Variants in CAMK2B observed in about 807,000 individuals in gnomAD.
The protein encoded by CAMK2B is calcium/calmodulin-dependent protein kinase type II subunit beta.
In CAMK2B, 27 loss-of-function variants were observed where a neutral mutation model predicts 93.7. That is an observed-to-expected ratio of 0.29 (90% CI 0.21 to 0.40). The LOEUF (loss-of-function observed/expected upper bound fraction) is 0.40. CAMK2B is among the 10% of genes least tolerant of loss of function. The pLI, the probability that CAMK2B is intolerant of heterozygous loss-of-function variation, is 1.00. For synonymous variants in CAMK2B, 374 were observed against 358.8 expected (o/e 1.04, Z -0.48); for missense variants, 568 against 895.8 (o/e 0.63, Z 4.67).
chr7:44,241,654 C>G, intron 11 of CAMK2B, 46 bp downstream of exon 11: 1 of 1,483,370 alleles, frequency 6.7e-7, no homozygotes, highest in Non-Finnish European at 9.4e-7. Flanking sequence ...CCCAGAGGGA[C>G]ACAGAGAAGC....
intron 1 of CAMK2B, among the ~76,000 whole-genome samples, chr7:44,288,855 G>A (rs1293851473): frequency 1.3e-5 from 2 of 152,092 alleles, no homozygotes; most frequent in Non-Finnish European, 2.9e-5. Flanking sequence ...GGCTTCTCGC[G>A]CGATAATGGG....
intron 19 of CAMK2B, among the ~76,000 whole-genome samples, chr7:44,227,595 CAGGGGGTGTGGGGG>C (rs2096521560): frequency 6.0e-4 from 1 of 1,668 alleles, no homozygotes; most frequent in African/African-American, 8.9e-3. Context: ...GTGTGGGGGA[CAGGGGGTGTGGGGG>C]ACAGAGGGAG....
chr7:44,226,604 G>C lies in CAMK2B; in HGVS notation c.1509C>G (p.Gly503=). 6.6e-7 allele frequency: 1 copy of C among 1,523,214 alleles called. No individual in the cohort carries two copies. Among genetic ancestry groups the C allele is most frequent in the African/African-American group, 1.5e-5 (1 of 68,730 alleles). 94.4% of individuals were successfully genotyped at this position (1,523,214 alleles called of 1,614,324 possible). ...GGCCCTCGGCTTCTGGGGTCCCTGA[G>C]CCCCTCCTCACAGAGTTCAGGATGT... ...ISDILNSVRR[G]SGTPEAEGPS... The change falls in exon 20 of 24, where the codon GGC becomes GGG. Residue 503 remains glycine (G), a synonymous_variant. Transcript: ENST00000395749.
intron 20 of CAMK2B, among the ~76,000 whole-genome samples, chr7:44,222,130 T>C (rs1293252188): frequency 6.6e-6 from 1 of 152,044 alleles, no homozygotes; most frequent in South Asian, 2.1e-4. Flanking sequence ...TACACACGAG[T>C]AACAGTGGTT....
At chr7:44,228,659 G>A (rs562915626) in intron 19 of CAMK2B, 137 bp downstream of exon 19, 74 of 786,282 alleles carry the variant, frequency 9.4e-5, no homozygotes, top group South Asian at 9.3e-4. Context: ...AGGAAGCCCC[G>A]CCAGGGCAGG....
intron 1 of CAMK2B, among the ~76,000 whole-genome samples, chr7:44,324,313 G>T (rs959395445): frequency 6.6e-6 from 1 of 152,212 alleles, no homozygotes; most frequent in Non-Finnish European, 1.5e-5. Context: ...GAGGATGGGG[G>T]AGGACGCAGG....
chr7:44,267,908 G>C (rs527959803), intron 2 of CAMK2B: 1 of 152,236 alleles, frequency 6.6e-6, no homozygotes, highest in African/African-American at 2.4e-5. Context: ...GGGGAATGCC[G>C]AGCCCTGGGA....
intron 1 of CAMK2B, among the ~76,000 whole-genome samples, chr7:44,287,759 C>T (rs1785534774): frequency 6.6e-6 from 1 of 152,236 alleles, no homozygotes. Context: ...AACTCCTATG[C>T]GTCCTTCAAG....
chr7:44,254,960 G>T (rs895385242), intron 4 of CAMK2B, among the ~76,000 whole-genome samples: 2 of 151,714 alleles, frequency 1.3e-5, no homozygotes, highest in African/African-American at 4.8e-5. Flanking sequence ...TTGGTGACTT[G>T]CCCAGAGTGG....
At chr7:44,240,329 G>A (rs1332766692) in intron 12 of CAMK2B, among the ~76,000 whole-genome samples, 1 of 152,188 alleles carries the variant, frequency 6.6e-6, no homozygotes, top group Non-Finnish European at 1.5e-5. Context: ...CATCCCTTCT[G>A]CCCACCTCCC....
rs115352757 is a variant in CAMK2B, at chr7:44,244,397, C to T, written c.415-870G>A. Among the ~76,000 whole-genome samples, 679 of 152,204 alleles carry T rather than the reference C, an allele frequency of 4.5e-3. 6 individuals carry two copies. The highest frequency in any genetic ancestry group is 0.016 in the African/African-American group (654 of 41,542). ...TCCTGTCCCAGCTTTCAAACCCCAT[C>T]GGGCTCTGGCCTACCCATCAGCCTC... On this transcript the variant is annotated intron_variant, in intron 6 of 23. Coordinates refer to ENST00000395749, the MANE Select transcript of CAMK2B (RefSeq NM_001220.5).
At chr7:44,232,179 T>G (rs1035822456) in intron 16 of CAMK2B, among the ~76,000 whole-genome samples, 1 of 116,862 alleles carries the variant, frequency 8.6e-6, no homozygotes, top group Non-Finnish European at 1.8e-5. Flanking sequence ...CAGAAGGAAG[T>G]GGGGGGTCCC....
Position 44,242,376 on chromosome 7 carries a change from G to A in CAMK2B, c.697-36C>T, listed in dbSNP as rs759050906. The A allele has an allele frequency of 1.7e-5, 27 of 1,601,254 alleles. No individual in the cohort carries two copies. The South Asian group carries it at 3.0e-4, about 18-fold the overall frequency. On this transcript the variant is annotated intron_variant, in intron 9 of 23. Coordinates refer to ENST00000395749, the MANE Select transcript of CAMK2B (RefSeq NM_001220.5). ...AAACAGCGCCCCGGCCGGGCCTGAA[G>A]CTCCCTCTCAGGCAGGGGCAAGAAT...
intron 1 of CAMK2B, among the ~76,000 whole-genome samples, chr7:44,289,114 C>T (rs560275655): frequency 2.6e-5 from 4 of 152,198 alleles, no homozygotes; most frequent in Admixed American, 1.3e-4. Flanking sequence ...GCTGCCCCCC[C>T]AACCCTCGTG....
chr7:44,220,323 C>A (rs374775987), intron 22 of CAMK2B, 29 bp from the exon 23 acceptor site: 2 of 1,565,570 alleles, frequency 1.3e-6, no homozygotes, highest in African/African-American at 2.7e-5. Context: ...GCGGGGGTCT[C>A]GGGTTACCAT....
At chr7:44,246,955 C>A (rs536255886) in intron 6 of CAMK2B, among the ~76,000 whole-genome samples, 165 bp downstream of exon 6, 1 of 152,260 alleles carries the variant, frequency 6.6e-6, no homozygotes, top group African/African-American at 2.4e-5. Flanking sequence ...CATGCACATG[C>A]ATGCACACAC....
chr7:44,234,312 G>A (rs1418423970), intron 15 of CAMK2B, 78 bp downstream of exon 15: 19 of 1,320,562 alleles, frequency 1.4e-5, no homozygotes, highest in African/African-American at 1.0e-4. Context: ...ACCTTCACCC[G>A]GCCCCCTCTG....
intron 10 of CAMK2B, 80 bp from the exon 11 acceptor site, chr7:44,241,863 C>T: frequency 8.5e-7 from 1 of 1,176,506 alleles, no homozygotes; most frequent in Non-Finnish European, 1.2e-6. Flanking sequence ...TTGTGGCACC[C>T]TGGGGTCCCC....
chr7:44,325,308 C>T (rs1797258303), intron 1 of CAMK2B, 49 bp downstream of exon 1: 2 of 1,115,750 alleles, frequency 1.8e-6, no homozygotes, highest in Non-Finnish European at 1.1e-6. Context: ...CCCGGAGGTC[C>T]CGGCCCTCTG....
Sources: gnomAD v4.1 joint callset for allele counts (sites outside exome capture counted in the v4.1 genomes callset) on GRCh38, gnomAD v4.1.1 for gene constraint, MANE v1.5 for transcripts, NCBI Gene and HGNC (gene_info 2026-07-23, HGNC 2026-07-21) for gene names.